GSAP: variants seen among roughly 807,000 people sequenced by gnomAD.
GSAP encodes the protein gamma-secretase activating protein, also known as gamma-secretase-activating protein.
GSAP carries 118 observed loss-of-function variants against 131.7 expected under a neutral mutation model. That is an observed-to-expected ratio of 0.90 (90% CI 0.77 to 1.04). The LOEUF is 1.04. Ranked by LOEUF, GSAP falls within the 50% of genes least tolerant of loss-of-function variation. The probability of loss-of-function intolerance (pLI) is 0.00; values close to 1 mark genes in which losing one functional copy is unlikely to be tolerated. For synonymous variants in GSAP, 381 were observed against 363.4 expected (o/e 1.05, Z -0.55); for missense variants, 1,019 against 1,013.2 (o/e 1.01, Z -0.08).
At chr7:77,362,718 TC>T in intron 12 of GSAP, 58 bp from the exon 13 acceptor site, 1 of 984,280 alleles carries the variant, frequency 1.0e-6, no homozygotes, top group Non-Finnish European at 1.6e-6. Flanking sequence ...AAATAAAGTT[TC>T]CTAAACCACT....
intron 1 of GSAP, among the ~76,000 whole-genome samples, chr7:77,407,897 T>G (rs1476643899): frequency 6.6e-6 from 1 of 152,188 alleles, no homozygotes; most frequent in African/African-American, 2.4e-5. Context: ...TTGTGTTATA[T>G]CCAAACAGTG....
In GSAP at chr7:77,356,511, G is replaced by A. The variant is rs527565965; in HGVS notation, c.1028-864C>T. ...ATTTTGTTTAGAGAACCTTTAAATC[G>A]ATATTCATCAGAATAATCTCTGCAG... On this transcript the variant is annotated intron_variant, in intron 14 of 30. Transcript: ENST00000257626. Among the ~76,000 whole-genome samples the A allele has an allele frequency of 2.6e-5, 4 of 152,138 alleles. No individual in the cohort carries two copies. In the East Asian group the frequency reaches 5.8e-4, roughly 22 times the overall value.
intron 3 of GSAP, among the ~76,000 whole-genome samples, chr7:77,399,903 T>C (rs976870244): frequency 1.3e-5 from 2 of 152,120 alleles, no homozygotes; most frequent in Admixed American, 6.6e-5. Flanking sequence ...TTTTGTGTCA[T>C]ATAGCCTAGA....
At chr7:77,375,926 T>C (rs1344486109) in intron 10 of GSAP, among the ~76,000 whole-genome samples, 1 of 150,988 alleles carries the variant, frequency 6.6e-6, no homozygotes, top group Non-Finnish European at 1.5e-5. Flanking sequence ...ACAATTCTAA[T>C]TTTTTTTAAT....
chr7:77,405,998 C>A (rs1802198811), intron 2 of GSAP, 31 bp downstream of exon 2: 2 of 790,986 alleles, frequency 2.5e-6, no homozygotes, highest in East Asian at 6.2e-5. Context: ...AATTTTACAT[C>A]TTACCACAAT....
intron 8 of GSAP, among the ~76,000 whole-genome samples, chr7:77,380,713 A>G (rs575132939): frequency 6.6e-6 from 1 of 152,250 alleles, no homozygotes; most frequent in Admixed American, 6.5e-5. Context: ...GAGATTAAAA[A>G]AAAAAGTACA....
At chr7:77,388,294 G>A (rs950296135) in intron 5 of GSAP, among the ~76,000 whole-genome samples, 2 of 152,170 alleles carry the variant, frequency 1.3e-5, no homozygotes, top group South Asian at 2.1e-4. Context: ...ACTCCAATTC[G>A]GCAGCACAAT....
intron 20 of GSAP, chr7:77,329,715 A>C: frequency 5.6e-6 from 1 of 177,934 alleles, no homozygotes. Context: ...CAATATCAAA[A>C]TCAAAAATTG....
chr7:77,347,279 C>A (rs1792054459), intron 19 of GSAP, among the ~76,000 whole-genome samples: 2 of 152,138 alleles, frequency 1.3e-5, no homozygotes, highest in South Asian at 4.1e-4. Context: ...ACCGTGGGAA[C>A]CCCAACTTAA....
At chr7:77,313,339 G>C in intron 28 of GSAP, 149 bp downstream of exon 28, 2 of 589,176 alleles carry the variant, frequency 3.4e-6, no homozygotes, top group Non-Finnish European at 6.1e-6. Context: ...CAGAGGGCTG[G>C]GGACGGGTGG....
At chr7:77,327,068 T>TA (rs1788420273) in intron 22 of GSAP, 1 of 152,122 alleles carries the variant, frequency 6.6e-6, no homozygotes, top group Non-Finnish European at 1.5e-5. Flanking sequence ...TACACAACCC[T>TA]CGTGATTGAG....
At chr7:77,370,791 A>T (rs1372678877) in intron 12 of GSAP, among the ~76,000 whole-genome samples, 1 of 152,048 alleles carries the variant, frequency 6.6e-6, no homozygotes, top group Non-Finnish European at 1.5e-5. Context: ...CAATTCCACA[A>T]CACAAACAGC....
intron 5 of GSAP, among the ~76,000 whole-genome samples, chr7:77,391,666 A>C (rs1327790691): frequency 6.6e-6 from 1 of 151,934 alleles, no homozygotes; most frequent in Non-Finnish European, 1.5e-5. Flanking sequence ...TCTACAAAAA[A>C]ATGAAAAAAA....
intron 17 of GSAP, 74 bp downstream of exon 17, chr7:77,353,498 C>G: frequency 3.4e-6 from 3 of 885,732 alleles, no homozygotes; most frequent in Non-Finnish European, 5.6e-6. Flanking sequence ...GAGGCATTCA[C>G]TATCAATTTA....
At chr7:77,372,378 A>C (rs183507998) in intron 12 of GSAP, among the ~76,000 whole-genome samples, 1,864 of 152,352 alleles carry the variant, frequency 0.012, 36 homozygotes, top group African/African-American at 0.043. Context: ...ATATACATAC[A>C]TATTTATTTA....
chr7:77,343,741 TG>T (rs1584377683), intron 19 of GSAP, among the ~76,000 whole-genome samples: 1 of 152,198 alleles, frequency 6.6e-6, no homozygotes, highest in East Asian at 1.9e-4. Flanking sequence ...ACAAGACAAA[TG>T]GTTCTTAGAC....
intron 5 of GSAP, among the ~76,000 whole-genome samples, chr7:77,394,168 A>C (rs1462997471): frequency 6.6e-6 from 1 of 152,186 alleles, no homozygotes; most frequent in Admixed American, 6.5e-5. Flanking sequence ...CAGTATGCGT[A>C]TCTCTTCCAA....
At chr7:77,314,218 A>T in intron 27 of GSAP, 152 bp downstream of exon 27, 1 of 704,100 alleles carries the variant, frequency 1.4e-6, no homozygotes, top group Non-Finnish European at 2.3e-6. Context: ...TACTACTAAG[A>T]ATTTCAAGAT....
rs56314229 is a variant in GSAP at position 77,377,400 on chromosome 7, C to CAAAAAAAAAAAAAA, written c.577-24_577-11dup. Reference sequence around the variant, plus strand: ...CAGAATTTTTAATCACCTAAAAATGCAAAAAAAAAAAAAAAAAAAAAAGTA... The same window carrying CAAAAAAAAAAAAAA: ...CAGAATTTTTAATCACCTAAAAATGCAAAAAAAAAAAAAAAAAAAAAAAAAAAAAAAAAAAAGTA... On this transcript the variant is annotated splice_polypyrimidine_tract_variant and intron_variant, in intron 8 of 30. Transcript: ENST00000257626. 1.0e-5 allele frequency: 12 copies of CAAAAAAAAAAAAAA among 1,184,542 alleles called. No homozygotes were observed. The East Asian group carries it at 1.5e-4, about 15-fold the overall frequency. 73.4% of individuals were successfully genotyped at this position (1,184,542 alleles called of 1,614,324 possible).
Sources: allele counts gnomAD v4.1 joint callset (sites outside exome capture counted in the v4.1 genomes callset), GRCh38; gene constraint gnomAD v4.1.1; transcripts MANE v1.5; gene names NCBI Gene and HGNC (gene_info 2026-07-23, HGNC 2026-07-21).